FAF1: variants seen among roughly 807,000 people sequenced by gnomAD.
The protein encoded by FAF1 is FAS-associated factor 1.
In FAF1, 25 loss-of-function variants were observed where a neutral mutation model predicts 92.5. That is an observed-to-expected ratio of 0.27 (90% CI 0.20 to 0.38). The LOEUF (loss-of-function observed/expected upper bound fraction) is 0.38. FAF1 is among the 10% of genes least tolerant of loss of function. The probability of loss-of-function intolerance (pLI) is 1.00; values close to 1 mark genes in which losing one functional copy is unlikely to be tolerated. For missense variants in FAF1, 636 were observed against 793.3 expected, an observed-to-expected ratio of 0.80 and a Z score of 2.38; for synonymous variants, 234 against 273.2, an observed-to-expected ratio of 0.86 and a Z score of 1.42.
chr1:50,758,061 G>C (rs997335182), intron 4 of FAF1, among the ~76,000 whole-genome samples: 5 of 152,114 alleles, frequency 3.3e-5, no homozygotes, highest in African/African-American at 1.2e-4. Flanking sequence ...GAAATTACCA[G>C]CACATGCTAC....
intron 13 of FAF1, among the ~76,000 whole-genome samples, chr1:50,552,953 T>G (rs565222888): frequency 3.0e-4 from 46 of 152,320 alleles, no homozygotes; most frequent in African/African-American, 1.1e-3. Flanking sequence ...AAAGACAGTG[T>G]GATTTTCTCT....
chr1:50,768,264 C>T (rs900111613), intron 4 of FAF1, among the ~76,000 whole-genome samples: 5 of 152,114 alleles, frequency 3.3e-5, no homozygotes, highest in African/African-American at 7.2e-5. Context: ...TAAATATATG[C>T]ACCAAACATA....
chr1:50,570,294 T>C (rs1650372387), intron 12 of FAF1, among the ~76,000 whole-genome samples: 1 of 152,178 alleles, frequency 6.6e-6, no homozygotes, highest in Admixed American at 6.5e-5. Context: ...GACTTCATTA[T>C]TTTTCCACAA....
chr1:50,624,660 T>C (rs551214245), intron 8 of FAF1, among the ~76,000 whole-genome samples: 1 of 152,292 alleles, frequency 6.6e-6, no homozygotes, highest in African/African-American at 2.4e-5. Context: ...AAATAGATAA[T>C]TGATTTTATT....
chr1:50,960,128 C>A lies in FAF1; in HGVS notation c.-317G>T. 1 of 370,758 alleles carries A rather than the reference C, an allele frequency of 2.7e-6. No homozygotes were observed. The highest frequency in any genetic ancestry group is 3.8e-5 in the East Asian group (1 of 26,490). The allele number at this position is 370,758 out of a possible 1,614,324, so 23.0% of individuals were successfully genotyped here. A position where few individuals can be genotyped will look rare whatever the true frequency, so the allele number is the denominator to read the frequency against. Reference sequence around the variant, plus strand: ...CGCGGGCCAGGATGAGGGCAGGTTGCGACAGCGCGCACCCGGATACCTTCA... The same window carrying A: ...CGCGGGCCAGGATGAGGGCAGGTTGAGACAGCGCGCACCCGGATACCTTCA... On this transcript the variant is annotated 5_prime_UTR_variant, in exon 1 of 19. Coordinates refer to ENST00000396153, the MANE Select transcript of FAF1 (RefSeq NM_007051.3).
At chr1:50,924,808 C>T (rs990328683) in intron 1 of FAF1, among the ~76,000 whole-genome samples, 4 of 152,100 alleles carry the variant, frequency 2.6e-5, no homozygotes, top group African/African-American at 4.8e-5. Context: ...CATGATGAAA[C>T]CCTGTCTCTC....
chr1:50,641,449 T>A (rs976874731), intron 8 of FAF1, among the ~76,000 whole-genome samples: 1 of 152,154 alleles, frequency 6.6e-6, no homozygotes. Flanking sequence ...CTCATGAATT[T>A]AAAAAAATAG....
At chr1:50,674,700 T>C (rs1017628151) in intron 7 of FAF1, among the ~76,000 whole-genome samples, 3 of 152,052 alleles carry the variant, frequency 2.0e-5, no homozygotes, top group African/African-American at 7.2e-5. Context: ...TCCTTGAAAA[T>C]TGTCACAGCC....
At chr1:50,726,524 G>A (rs1000140082) in intron 6 of FAF1, among the ~76,000 whole-genome samples, 5 of 151,430 alleles carry the variant, frequency 3.3e-5, no homozygotes, top group Admixed American at 6.6e-5. Flanking sequence ...GTGAAACCCC[G>A]GCTCTATTAA....
intron 13 of FAF1, among the ~76,000 whole-genome samples, chr1:50,553,478 T>C (rs886304407): frequency 1.3e-5 from 2 of 152,206 alleles, no homozygotes; most frequent in Non-Finnish European, 2.9e-5. Flanking sequence ...GTCAATCAAC[T>C]GCATTAGTAA....
At chr1:50,574,935 G>C (rs2149061515) in intron 12 of FAF1, among the ~76,000 whole-genome samples, 1 of 124,712 alleles carries the variant, frequency 8.0e-6, no homozygotes, top group South Asian at 2.6e-4. Flanking sequence ...TTGAGACAGG[G>C]TCTCGCTCTG....
At chr1:50,570,660 A>G (rs1557999290) in intron 12 of FAF1, among the ~76,000 whole-genome samples, 1 of 152,240 alleles carries the variant, frequency 6.6e-6, no homozygotes, top group Non-Finnish European at 1.5e-5. Context: ...TAATTTTAAA[A>G]TAATCTTTTC....
chr1:50,957,060 A>C (rs1645272703), intron 1 of FAF1, among the ~76,000 whole-genome samples: 1 of 152,254 alleles, frequency 6.6e-6, no homozygotes, highest in Non-Finnish European at 1.5e-5. Flanking sequence ...AACAGGAAGA[A>C]TCATCACTTT....
chr1:50,617,817 T>C (rs1652998900), intron 8 of FAF1, among the ~76,000 whole-genome samples: 1 of 151,996 alleles, frequency 6.6e-6, no homozygotes, highest in African/African-American at 2.4e-5. Flanking sequence ...AGTTTTTTAT[T>C]ATTTATTCAA....
chr1:50,868,817 C>T (rs1465324006), intron 1 of FAF1, among the ~76,000 whole-genome samples: 1 of 152,022 alleles, frequency 6.6e-6, no homozygotes, highest in Non-Finnish European at 1.5e-5. Context: ...CTTAATAGCC[C>T]AATAATCTGT....
intron 13 of FAF1, among the ~76,000 whole-genome samples, chr1:50,546,919 TTCTGTTCAAA>T (rs1256206573): frequency 6.6e-6 from 1 of 152,114 alleles, no homozygotes; most frequent in Non-Finnish European, 1.5e-5. Context: ...TATATGAGTC[TTCTGTTCAAA>T]TCTATCTTTT....
intron 12 of FAF1, 72 bp from the exon 13 acceptor site, chr1:50,567,303 A>G: frequency 2.6e-6 from 3 of 1,171,348 alleles, no homozygotes; most frequent in African/African-American, 1.5e-5. Context: ...TTAGAGAGGC[A>G]TAATTAGTCT....
At chr1:50,533,870 G>C (rs985813690) in intron 15 of FAF1, among the ~76,000 whole-genome samples, 7 of 152,036 alleles carry the variant, frequency 4.6e-5, no homozygotes, top group Non-Finnish European at 1.0e-4. Context: ...AATGATCCAC[G>C]TAATAATGAC....
At chr1:50,914,569 C>T (rs1644907292) in intron 1 of FAF1, among the ~76,000 whole-genome samples, 1 of 152,224 alleles carries the variant, frequency 6.6e-6, no homozygotes, top group Admixed American at 6.5e-5. Context: ...GCTTAGGCTA[C>T]TGAAAAACAC....
Sources: gnomAD v4.1 joint callset for allele counts (sites outside exome capture counted in the v4.1 genomes callset) on GRCh38, gnomAD v4.1.1 for gene constraint, MANE v1.5 for transcripts, NCBI Gene and HGNC (gene_info 2026-07-23, HGNC 2026-07-21) for gene names.